The following CAMK2D variants were observed in gnomAD, a reference collection of about 807,000 sequenced individuals.
The protein encoded by CAMK2D is calcium/calmodulin-dependent protein kinase type II subunit delta.
In CAMK2D, 37 loss-of-function variants were observed where a neutral mutation model predicts 84.0. The observed-to-expected ratio is 0.44, with a 90% CI of 0.34 to 0.58. The LOEUF (loss-of-function observed/expected upper bound fraction) is 0.58, where lower values mean the gene tolerates loss of function less well. CAMK2D is among the 20% of genes least tolerant of loss of function. The probability of loss-of-function intolerance (pLI) is 0.02; values close to 1 mark genes in which losing one functional copy is unlikely to be tolerated. For synonymous variants in CAMK2D, 202 were observed against 212.5 expected (o/e 0.95, Z 0.43); for missense variants, 448 against 652.5 (o/e 0.69, Z 3.41).
chr4:113,742,595 A>C (rs1055384127), intron 2 of CAMK2D, among the ~76,000 whole-genome samples: 4 of 152,126 alleles, frequency 2.6e-5, no homozygotes, highest in African/African-American at 9.7e-5. Context: ...TCAAGGAGCA[A>C]AGTAAACCTT....
chr4:113,559,733 T>C (rs2098689493), intron 4 of CAMK2D, among the ~76,000 whole-genome samples: 1 of 152,272 alleles, frequency 6.6e-6, no homozygotes, highest in African/African-American at 2.4e-5. Flanking sequence ...GTAATTCATC[T>C]AAAAGTTAGC....
At position 113,457,497 on chromosome 4, in the gene CAMK2D, T is replaced by C. The variant is rs146612481; in HGVS notation, c.1373A>G (p.Asp458Gly). The C allele has an allele frequency of 1.2e-6, 2 of 1,613,508 alleles. No homozygotes were observed. Among genetic ancestry groups the C allele is most frequent in the African/African-American group, 1.3e-5 (1 of 75,010 alleles). ...ILNPHVHLVG[D>G]DAACIAYIRL... is the part of the protein sequence containing the mutation. ...AATATATGCTATGCAGGCGGCATCA[T>C]CCCCTACCAGATGTACATGAGGGTT... The change falls in exon 19 of 21, where the codon GAT becomes GGT. Residue 458 changes from aspartate to glycine, a missense_variant. Physicochemically the swap from Asp to Gly is moderately conservative, Grantham distance 94 (BLOSUM62 -1). Transcript: ENST00000511664.
At chr4:113,601,143 T>C (rs2098950315) in intron 4 of CAMK2D, among the ~76,000 whole-genome samples, 2 of 152,200 alleles carry the variant, frequency 1.3e-5, no homozygotes, top group African/African-American at 4.8e-5. Context: ...GTTTATATCT[T>C]ATCCCACACA....
At chr4:113,456,268 T>A (rs924068322) in intron 19 of CAMK2D, among the ~76,000 whole-genome samples, 1 of 152,178 alleles carries the variant, frequency 6.6e-6, no homozygotes, top group Non-Finnish European at 1.5e-5. Flanking sequence ...TGAACCCCCA[T>A]TCCAAATCTC....
intron 2 of CAMK2D, chr4:113,754,838 C>T (rs1477892999): frequency 1.9e-5 from 19 of 984,286 alleles, no homozygotes; most frequent in Non-Finnish European, 2.3e-5. Flanking sequence ...AAGGATGACA[C>T]ATGCCACTTC....
chr4:113,653,808 C>T (rs911049636), intron 3 of CAMK2D, among the ~76,000 whole-genome samples: 2 of 151,884 alleles, frequency 1.3e-5, no homozygotes, highest in African/African-American at 4.8e-5. Flanking sequence ...TAAGCTTAAC[C>T]TGTACAATGT....
In CAMK2D at chr4:113,761,619, G is replaced by A. The variant is rs950123276; in HGVS notation, c.-551C>T. ...GGCGCGCCGGGGCTCCGACGAGCGT[G>A]CGCGCCCGAGGCCGGCTTCCCTCCG... On this transcript the variant is annotated 5_prime_UTR_variant, in exon 1 of 21. Transcript: ENST00000511664. The A allele has an allele frequency of 7.1e-6, 7 of 985,058 alleles. No homozygotes were observed. In the African/African-American group the frequency reaches 1.0e-4, roughly 15 times the overall value. 61.0% of individuals were successfully genotyped at this position (985,058 alleles called of 1,614,324 possible). A position where few individuals can be genotyped will look rare whatever the true frequency, so the allele number is the denominator to read the frequency against.
At chr4:113,537,056 T>C (rs962726556) in intron 7 of CAMK2D, among the ~76,000 whole-genome samples, 1 of 152,256 alleles carries the variant, frequency 6.6e-6, no homozygotes. Flanking sequence ...GTTGTAATCC[T>C]CTAATTAATG....
chr4:113,572,824 A>AAATG (rs2098760595), intron 4 of CAMK2D, among the ~76,000 whole-genome samples: 1 of 152,186 alleles, frequency 6.6e-6, no homozygotes, highest in African/African-American at 2.4e-5. Flanking sequence ...TGGATAAAGA[A>AAATG]AATGTGGTAC....
At chr4:113,534,137 T>TA (rs900586406) in intron 7 of CAMK2D, among the ~76,000 whole-genome samples, 3 of 152,086 alleles carry the variant, frequency 2.0e-5, no homozygotes, top group Admixed American at 2.0e-4. Context: ...TTTTGAAAGA[T>TA]AAAATTAATC....
intron 16 of CAMK2D, among the ~76,000 whole-genome samples, chr4:113,476,279 T>G (rs2097616284): frequency 6.6e-6 from 1 of 152,204 alleles, no homozygotes; most frequent in Admixed American, 6.5e-5. Flanking sequence ...TACAATGGTC[T>G]GTCACAACTT....
chr4:113,623,240 T>C (rs371999677), intron 3 of CAMK2D, among the ~76,000 whole-genome samples: 2 of 152,324 alleles, frequency 1.3e-5, no homozygotes, highest in East Asian at 3.9e-4. Flanking sequence ...TTTTTTGAAC[T>C]GGCTTTGGCA....
chr4:113,637,835 C>G (rs1278700065), intron 3 of CAMK2D, among the ~76,000 whole-genome samples: 1 of 151,844 alleles, frequency 6.6e-6, no homozygotes, highest in African/African-American at 2.4e-5. Context: ...CCTGGACATA[C>G]CAGAGTTGAA....
chr4:113,531,806 G>T (rs945451333), intron 7 of CAMK2D, among the ~76,000 whole-genome samples: 2 of 152,044 alleles, frequency 1.3e-5, no homozygotes, highest in Non-Finnish European at 2.9e-5. Flanking sequence ...CTAGACATTC[G>T]ACTTAAGAAG....
chr4:113,582,539 C>T (rs2098815337), intron 4 of CAMK2D, among the ~76,000 whole-genome samples: 2 of 151,372 alleles, frequency 1.3e-5, no homozygotes, highest in African/African-American at 2.4e-5. Context: ...CTTAAGTATC[C>T]CTCCTTTTAC....
chr4:113,554,076 T>C (rs1280623614), intron 4 of CAMK2D, among the ~76,000 whole-genome samples: 1 of 152,148 alleles, frequency 6.6e-6, no homozygotes, highest in Non-Finnish European at 1.5e-5. Flanking sequence ...CTGACATTAA[T>C]AAAATTGCTG....
intron 3 of CAMK2D, among the ~76,000 whole-genome samples, chr4:113,617,767 C>A (rs968743790): frequency 2.6e-5 from 4 of 151,894 alleles, no homozygotes; most frequent in African/African-American, 9.7e-5. Flanking sequence ...TCCAGAATAG[C>A]TGGGATTACA....
intron 4 of CAMK2D, among the ~76,000 whole-genome samples, chr4:113,593,502 G>A (rs2098904500): frequency 1.3e-5 from 2 of 152,144 alleles, no homozygotes; most frequent in South Asian, 4.1e-4. Context: ...AACTTTAGGG[G>A]GACCTAATCT....
At chr4:113,477,045 C>T (rs928051374) in intron 16 of CAMK2D, among the ~76,000 whole-genome samples, 2 of 152,154 alleles carry the variant, frequency 1.3e-5, no homozygotes, top group Admixed American at 1.3e-4. Flanking sequence ...ATTTCAGAAA[C>T]ATGTCCTGTC....
Sources: allele counts gnomAD v4.1 joint callset (sites outside exome capture counted in the v4.1 genomes callset), GRCh38; gene constraint gnomAD v4.1.1; transcripts MANE v1.5; gene names NCBI Gene and HGNC (gene_info 2026-07-23, HGNC 2026-07-21).